Variants in CDKN2A observed in about 807,000 individuals in gnomAD.
CDKN2A encodes the protein cyclin dependent kinase inhibitor 2A.
A neutral mutation model predicts 11.1 loss-of-function variants in CDKN2A; 3 were observed. The observed-to-expected ratio is 0.27, with a 90% CI of 0.12 to 0.70. The LOEUF is 0.70. Among genes scored for constraint, CDKN2A ranks in the 30% least tolerant of loss-of-function variants. The pLI is 0.77. For synonymous variants in CDKN2A, 122 were observed against 108.1 expected, an observed-to-expected ratio of 1.13 and a Z score of -0.80; for missense variants, 265 against 233.6, an observed-to-expected ratio of 1.13 and a Z score of -0.88.
chr9:21,986,630 A>G (rs776570518), intron 2 of CDKN2A, among the ~76,000 whole-genome samples: 23 of 152,092 alleles, frequency 1.5e-4, no homozygotes, highest in Non-Finnish European at 3.1e-4. Context: ...CATTGAAAAC[A>G]TAAGGATATT....
chr9:21,975,992 GA>G (rs1464597407), upstream of CDKN2A, among the ~76,000 whole-genome samples: 1 of 152,186 alleles, frequency 6.6e-6, no homozygotes, highest in African/African-American at 2.4e-5. Context: ...TAAGCCTTAA[GA>G]ACAGTGCCAC....
intron 2 of CDKN2A, among the ~76,000 whole-genome samples, chr9:21,983,609 A>G (rs933798345): frequency 2.6e-5 from 4 of 152,074 alleles, no homozygotes; most frequent in African/African-American, 9.7e-5. Flanking sequence ...CTGCTTTTTA[A>G]AAAGCCACCA....
chr9:21,994,356 C>T (rs1064795989), intron 1 of CDKN2A: 1 of 1,606,684 alleles, frequency 6.2e-7, no homozygotes, highest in Non-Finnish European at 8.5e-7. Flanking sequence ...CAGGGCCGAG[C>T]TCGGCAGCCG....
At chr9:21,987,968 T>C (rs1329872721) in intron 2 of CDKN2A, among the ~76,000 whole-genome samples, 1 of 152,228 alleles carries the variant, frequency 6.6e-6, no homozygotes, top group Non-Finnish European at 1.5e-5. Context: ...CCCAGAAATA[T>C]GTATTTTTAA....
intron 2 of CDKN2A, among the ~76,000 whole-genome samples, chr9:21,984,031 G>C (rs1820251000): frequency 6.6e-6 from 1 of 151,956 alleles, no homozygotes. Context: ...CGGGTGCACG[G>C]TAGGCTCTCA....
chr9:21,980,827 C>T (rs1359020257), intron 2 of CDKN2A, among the ~76,000 whole-genome samples: 2 of 149,824 alleles, frequency 1.3e-5, no homozygotes, highest in Admixed American at 1.3e-4. Context: ...GGCGAGGTGG[C>T]GGGCACCTGT....
exon 2 of CDKN2A, chr9:21,994,022 C>T (rs892620683): frequency 5.1e-6 from 6 of 1,168,304 alleles, no homozygotes; most frequent in Middle Eastern, 2.2e-4. Flanking sequence ...AAGCCTCCAC[C>T]GGCGGTTATC....
intron 2 of CDKN2A, chr9:21,993,799 C>G (rs1820499765): frequency 4.1e-6 from 1 of 246,150 alleles, no homozygotes; most frequent in Non-Finnish European, 7.7e-6. Context: ...ACCTTTCCTA[C>G]TGTGTGTGTG....
rs1193266531 is a variant in CDKN2A, at chr9:21,991,585, C to G, written c.-4+2297G>C. ...AAAGTATTTTTGATACCATTTGTAT[C>G]ACTTTAGTAATAGGAGTTTTTCATA... On this transcript the variant is annotated intron_variant, in intron 2 of 3. Coordinates refer to the CDKN2A transcript ENST00000494262. This position sits in a 1 kb window ranked among gnomAD's most constrained non-coding sequence, Gnocchi z 5.2. 1.1e-6 allele frequency: 1 copy of G among 888,810 alleles called. No individual in the cohort carries two copies. Among genetic ancestry groups the G allele is most frequent in the African/African-American group, 1.8e-5 (1 of 55,142 alleles). The allele number at this position is 888,810 out of a possible 1,614,324, so 55.1% of individuals were successfully genotyped here.
At chr9:21,980,081 G>T (rs1353662263) in intron 2 of CDKN2A, among the ~76,000 whole-genome samples, 2 of 152,132 alleles carry the variant, frequency 1.3e-5, no homozygotes, top group Non-Finnish European at 2.9e-5. Context: ...AATAAAGGGA[G>T]TTGAGGCAAT....
exon 1 of CDKN2A, chr9:21,994,939 T>TA: frequency 6.6e-6 from 1 of 152,518 alleles, no homozygotes; most frequent in South Asian, 2.1e-4. Context: ...CTAGATTATT[T>TA]AAAAATGAAA....
At chr9:21,986,258 C>G (rs1242021837) in intron 2 of CDKN2A, among the ~76,000 whole-genome samples, 1 of 152,016 alleles carries the variant, frequency 6.6e-6, no homozygotes, top group Non-Finnish European at 1.5e-5. Flanking sequence ...AGGTATCCCA[C>G]TTATTGCTTT....
intron 2 of CDKN2A, chr9:21,969,627 C>A: frequency 2.5e-6 from 1 of 394,830 alleles, no homozygotes. Context: ...GCTTGTGGCC[C>A]AATTCAGTAG....
chr9:21,987,020 G>A (rs1264298942), intron 2 of CDKN2A, among the ~76,000 whole-genome samples: 2 of 151,994 alleles, frequency 1.3e-5, no homozygotes, highest in African/African-American at 4.8e-5. Context: ...AGCAAAACAA[G>A]CTTTTTCCTA....
chr9:21,991,528 G>T lies in CDKN2A; in HGVS notation c.-4+2354C>A. 2.9e-6 allele frequency: 1 copy of T among 349,868 alleles called. No homozygotes were observed. The highest frequency in any genetic ancestry group is 4.0e-6 in the Non-Finnish European group (1 of 249,292). The allele number at this position is 349,868 out of a possible 1,614,324, so 21.7% of individuals were successfully genotyped here. On this transcript the variant is annotated intron_variant, in intron 2 of 3. Transcript: ENST00000494262. The surrounding 1 kb of genome is among the most constrained non-coding windows in gnomAD (Gnocchi z 5.2). ...CAAGGACTTTTGAAAAAGTGTAAAA[G>T]CACTGGGCCCACTGTTGAACCTTGC... is the stretch of plus-strand genomic sequence containing the variant.
chr9:21,981,908 A>G (rs1372457000), intron 2 of CDKN2A, among the ~76,000 whole-genome samples: 2 of 152,222 alleles, frequency 1.3e-5, no homozygotes, highest in South Asian at 2.1e-4. Context: ...CTGAGAAAGT[A>G]GAGCAGACCT....
Position 21,974,440 on chromosome 9 carries a change from T to A in CDKN2A, c.150+238A>T, listed in dbSNP as rs766113466. ...ACAAATATGTTCCCCCCTTCAGATC[T>A]TCTCAGCATTCGAGAGATCTGTACG... On this transcript the variant is annotated intron_variant, in intron 1 of 2. Transcript: ENST00000304494. The surrounding 1 kb of genome is among the most constrained non-coding windows in gnomAD (Gnocchi z 5.2). 1 of 1,610,830 alleles carries A rather than the reference T, an allele frequency of 6.2e-7. No individual in the cohort carries two copies. Among genetic ancestry groups the A allele is most frequent in the African/African-American group, 1.3e-5 (1 of 74,900 alleles).
At chr9:21,971,451 G>C in intron 1 of CDKN2A, 1 of 1,251,244 alleles carries the variant, frequency 8.0e-7, no homozygotes, top group African/African-American at 1.5e-5. Context: ...AGAGAGCACT[G>C]TGAGGCACGG....
Position 21,974,809 on chromosome 9 carries a change from T to C in CDKN2A, c.19A>G (p.Ser7Gly), listed in dbSNP as rs1554656670. ...CAGTCAGCCGAAGGCTCCATGCTGC[T>C]CCCCGCCGCCGGCTCCATGCTGCTC... MEPAAG[S>G]SMEPSADWLA... The change falls in exon 1 of 3, where the codon AGC becomes GGC. Residue 7 changes from serine to glycine, a missense_variant. By Grantham distance (56) the Ser-to-Gly change is moderately conservative. Transcript: ENST00000304494. This position sits in a 1 kb window ranked among gnomAD's most constrained non-coding sequence, Gnocchi z 5.2. 1 of 1,602,230 alleles carries C rather than the reference T, an allele frequency of 6.2e-7. No individual in the cohort carries two copies. Among genetic ancestry groups the C allele is most frequent in the African/African-American group, 1.3e-5 (1 of 74,670 alleles).
Sources: gnomAD v4.1 joint callset for allele counts (sites outside exome capture counted in the v4.1 genomes callset) on GRCh38, gnomAD v4.1.1 for gene constraint, Gnocchi (gnomAD v3.1) non-coding constraint, MANE v1.5 for transcripts, NCBI Gene and HGNC (gene_info 2026-07-23, HGNC 2026-07-21) for gene names.